GABRB1: variants seen among roughly 807,000 people sequenced by gnomAD.
The protein encoded by GABRB1 is gamma-aminobutyric acid receptor subunit beta-1.
GABRB1 carries 17 observed loss-of-function variants against 51.6 expected under a neutral mutation model. The observed-to-expected ratio is 0.33, with a 90% CI of 0.23 to 0.49. The LOEUF is 0.49. GABRB1 is among the 20% of genes least tolerant of loss of function. The pLI is 0.99. For missense variants in GABRB1, 410 were observed against 600.6 expected (o/e 0.68, Z 3.32); for synonymous variants, 247 against 218.9 (o/e 1.13, Z -1.14).
At chr4:47,210,404 C>T (rs917860146) in intron 4 of GABRB1, among the ~76,000 whole-genome samples, 5 of 151,964 alleles carry the variant, frequency 3.3e-5, no homozygotes, top group East Asian at 1.9e-4. Flanking sequence ...ATTTAGGCAG[C>T]GGAAGGGAAG....
At chr4:47,299,202 C>T (rs1351717936) in intron 4 of GABRB1, among the ~76,000 whole-genome samples, 1 of 152,140 alleles carries the variant, frequency 6.6e-6, no homozygotes, top group Non-Finnish European at 1.5e-5. Context: ...GTCTAAAACA[C>T]CAAAAGCAAT....
chr4:47,203,237 A>T (rs916035498), intron 4 of GABRB1, among the ~76,000 whole-genome samples: 7 of 152,322 alleles, frequency 4.6e-5, no homozygotes, highest in Non-Finnish European at 8.8e-5. Flanking sequence ...ACTTTAGGGC[A>T]TTCAATGACT....
rs757665576 is a variant in GABRB1 at position 47,161,489 on chromosome 4, A to G, written c.461+20A>G. 6.3e-7 allele frequency: 1 copy of G among 1,579,362 alleles called. No individual in the cohort carries two copies. Among genetic ancestry groups the G allele is most frequent in the Middle Eastern group, 1.7e-4 (1 of 5,976 alleles). ...ACTCCGGTAAATGGCTTTATGTTGC[A>G]TGTTTTAATGTTGTTGTTGTTTTGT... On this transcript the variant is annotated intron_variant, in intron 4 of 8. Transcript: ENST00000295454.
At chr4:47,385,174 C>G (rs908114930) in intron 5 of GABRB1, among the ~76,000 whole-genome samples, 1 of 152,168 alleles carries the variant, frequency 6.6e-6, no homozygotes, top group Non-Finnish European at 1.5e-5. Flanking sequence ...ATGCCATGAC[C>G]TCATCTGAGA....
intron 3 of GABRB1, among the ~76,000 whole-genome samples, chr4:47,104,608 C>T (rs934981549): frequency 6.6e-6 from 1 of 151,068 alleles, no homozygotes; most frequent in African/African-American, 2.4e-5. Flanking sequence ...GTATTCTGTT[C>T]TTTTTTGCTG....
chr4:47,210,740 A>G (rs543429082), intron 4 of GABRB1, among the ~76,000 whole-genome samples: 64 of 152,304 alleles, frequency 4.2e-4, no homozygotes, highest in Admixed American at 3.9e-3. Flanking sequence ...TGAACCAGAC[A>G]CTGTGTCAGT....
At chr4:47,090,428 G>A (rs1238849003) in intron 3 of GABRB1, among the ~76,000 whole-genome samples, 1 of 152,158 alleles carries the variant, frequency 6.6e-6, no homozygotes, top group Non-Finnish European at 1.5e-5. Context: ...GGGAAAGTGA[G>A]GAAATTGAGT....
At chr4:47,055,270 G>T (rs2109515821) in intron 3 of GABRB1, among the ~76,000 whole-genome samples, 1 of 152,288 alleles carries the variant, frequency 6.6e-6, no homozygotes, top group East Asian at 1.9e-4. Context: ...TGGTTTGGAA[G>T]AATTTCAAAA....
rs572010862 is a variant in GABRB1 at position 47,166,782 on chromosome 4, G to T, written c.461+5313G>T. Among the ~76,000 whole-genome samples, 55 of 152,092 alleles carry T rather than the reference G, an allele frequency of 3.6e-4. 1 individual carries two copies. The South Asian group carries it at 9.8e-3, about 27-fold the overall frequency. On this transcript the variant is annotated intron_variant, in intron 4 of 8. Transcript: ENST00000295454. ...TAACTGGGAAACCAGTATTTTACCTGGTAACCCTACAGCCCTACCGATGCC... is the reference window on the plus strand; with the variant it reads ...TAACTGGGAAACCAGTATTTTACCTTGTAACCCTACAGCCCTACCGATGCC...
upstream of GABRB1, among the ~76,000 whole-genome samples, chr4:47,029,818 T>C (rs1657543346): frequency 6.6e-6 from 1 of 152,136 alleles, no homozygotes; most frequent in South Asian, 2.1e-4. Context: ...TCTCTTAAAA[T>C]AGAGGAGTAT....
chr4:47,081,648 C>T (rs1234002218), intron 3 of GABRB1, among the ~76,000 whole-genome samples: 1 of 151,986 alleles, frequency 6.6e-6, no homozygotes, highest in East Asian at 1.9e-4. Context: ...TCTTAATGTG[C>T]CCAAGTTTAA....
chr4:47,266,046 A>G (rs1422853750), intron 4 of GABRB1, among the ~76,000 whole-genome samples: 10 of 151,902 alleles, frequency 6.6e-5, no homozygotes, highest in Admixed American at 5.9e-4. Flanking sequence ...TATTTCCAAG[A>G]TTTTCTTCTA....
At chr4:47,172,945 A>G (rs1718506845) in intron 4 of GABRB1, among the ~76,000 whole-genome samples, 1 of 152,028 alleles carries the variant, frequency 6.6e-6, no homozygotes, top group Non-Finnish European at 1.5e-5. Flanking sequence ...CTTCTTTTTA[A>G]TAAAGACAGG....
intron 4 of GABRB1, among the ~76,000 whole-genome samples, chr4:47,234,823 A>G (rs1167187176): frequency 1.3e-5 from 2 of 152,188 alleles, no homozygotes; most frequent in Non-Finnish European, 2.9e-5. Flanking sequence ...GGACATTGCC[A>G]CATCTCTTCT....
chr4:47,328,795 C>A (rs1236062655), intron 5 of GABRB1, among the ~76,000 whole-genome samples: 3 of 151,818 alleles, frequency 2.0e-5, no homozygotes, highest in African/African-American at 7.3e-5. Flanking sequence ...GAGGGATAGC[C>A]TTTGGAGATA....
chr4:47,091,194 C>T (rs1306312155), intron 3 of GABRB1, among the ~76,000 whole-genome samples: 1 of 152,014 alleles, frequency 6.6e-6, no homozygotes, highest in African/African-American at 2.4e-5. Context: ...CCCTCCACAA[C>T]AAGTAATTAT....
chr4:47,414,838 A>G (rs376125733), intron 8 of GABRB1, among the ~76,000 whole-genome samples: 1 of 152,144 alleles, frequency 6.6e-6, no homozygotes, highest in East Asian at 1.9e-4. Flanking sequence ...GTAAAGGTAT[A>G]CAGCTCTGTC....
At chr4:47,374,324 G>A (rs1727306267) in intron 5 of GABRB1, among the ~76,000 whole-genome samples, 1 of 152,036 alleles carries the variant, frequency 6.6e-6, no homozygotes, top group Non-Finnish European at 1.5e-5. Context: ...AGGTAGTTGA[G>A]GCTGCAGTGA....
At chr4:47,278,364 G>A (rs1455848490) in intron 4 of GABRB1, among the ~76,000 whole-genome samples, 1 of 152,132 alleles carries the variant, frequency 6.6e-6, no homozygotes, top group Admixed American at 6.5e-5. Flanking sequence ...TGAAATGCAT[G>A]CCAAAGAACA....
Sources: allele counts gnomAD v4.1 joint callset (sites outside exome capture counted in the v4.1 genomes callset), GRCh38; gene constraint gnomAD v4.1.1; transcripts MANE v1.5; gene names NCBI Gene and HGNC (gene_info 2026-07-23, HGNC 2026-07-21).